Variants in DDX10 observed in about 807,000 individuals in gnomAD.
DDX10 encodes the protein probable ATP-dependent RNA helicase DDX10.
In DDX10, 74 loss-of-function variants were observed where a neutral mutation model predicts 104.3. The observed-to-expected ratio is 0.71, with a 90% CI of 0.59 to 0.86. The LOEUF is 0.86. Ranked by LOEUF, DDX10 falls within the 40% of genes least tolerant of loss-of-function variation. The pLI is 0.00. For missense variants in DDX10, 952 were observed against 1,040.0 expected, an observed-to-expected ratio of 0.92 and a Z score of 1.16; for synonymous variants, 351 against 353.4, an observed-to-expected ratio of 0.99 and a Z score of 0.08.
chr11:108,684,343 C>T (rs1443594567), intron 6 of DDX10, among the ~76,000 whole-genome samples: 2 of 106,384 alleles, frequency 1.9e-5, no homozygotes, highest in African/African-American at 3.5e-5. Flanking sequence ...AATGCTATCC[C>T]TCCCCCCTCC....
intron 16 of DDX10, among the ~76,000 whole-genome samples, chr11:108,857,067 G>GAAT (rs752474566): frequency 3.9e-5 from 6 of 152,322 alleles, no homozygotes; most frequent in Non-Finnish European, 8.8e-5. Context: ...GAAAGCAAGT[G>GAAT]AATGACTTGC....
chr11:108,702,516 A>G (rs776939465), intron 9 of DDX10, among the ~76,000 whole-genome samples: 6 of 152,224 alleles, frequency 3.9e-5, no homozygotes, highest in Non-Finnish European at 5.9e-5. Context: ...AGACCCAACT[A>G]GAATGGAGTT....
At chr11:108,925,237 G>A (rs1217251952) in intron 17 of DDX10, among the ~76,000 whole-genome samples, 3 of 152,232 alleles carry the variant, frequency 2.0e-5, no homozygotes, top group Non-Finnish European at 4.4e-5. Context: ...TTTCTGGGGT[G>A]AGGACTGGGT....
chr11:108,918,084 A>G lies in DDX10; in HGVS notation c.2450+66A>G, dbSNP rs566078019. On this transcript the variant is annotated intron_variant, in intron 17 of 17. Coordinates refer to ENST00000322536, the MANE Select transcript of DDX10 (RefSeq NM_004398.4). The stretch of plus-strand genomic sequence containing the variant: ...CTCACATCAGTCTTTTAATGAATCC[A>G]AAAGACATTACTAAGAGTTCTACTC... The G allele has an allele frequency of 3.6e-5, 53 of 1,487,336 alleles. No homozygotes were observed. The South Asian group carries it at 5.5e-4, about 15-fold the overall frequency. The allele number at this position is 1,487,336 out of a possible 1,614,324, so 92.1% of individuals were successfully genotyped here. A position where few individuals can be genotyped will look rare whatever the true frequency, so the allele number is the denominator to read the frequency against.
chr11:108,937,261 T>C (rs913598020), intron 17 of DDX10, among the ~76,000 whole-genome samples: 9 of 152,214 alleles, frequency 5.9e-5, no homozygotes, highest in Non-Finnish European at 1.3e-4. Context: ...CTTCAGGTTT[T>C]CCTCTGGCTC....
At chr11:108,885,428 G>C (rs1479293025) in intron 16 of DDX10, among the ~76,000 whole-genome samples, 2 of 149,328 alleles carry the variant, frequency 1.3e-5, no homozygotes, top group African/African-American at 5.0e-5. Flanking sequence ...CGTGATCTCA[G>C]CTCACTGCAA....
chr11:108,854,819 A>T (rs185344026), intron 16 of DDX10, among the ~76,000 whole-genome samples: 59 of 152,288 alleles, frequency 3.9e-4, no homozygotes, highest in Admixed American at 1.1e-3. Context: ...TGATAATGTG[A>T]ATTTTCAATT....
intron 16 of DDX10, among the ~76,000 whole-genome samples, chr11:108,911,345 G>C (rs1863674851): frequency 1.3e-5 from 2 of 152,130 alleles, no homozygotes; most frequent in South Asian, 4.1e-4. Flanking sequence ...TGCAGTTCTA[G>C]AAGGTGGGAA....
intron 13 of DDX10, among the ~76,000 whole-genome samples, chr11:108,739,009 G>T (rs2094321711): frequency 6.6e-6 from 1 of 152,108 alleles, no homozygotes; most frequent in Admixed American, 6.5e-5. Context: ...AGCAAACCTG[G>T]ACAACTTTCG....
intron 2 of DDX10, 59 bp from the exon 3 acceptor site, chr11:108,675,537 C>A: frequency 6.4e-7 from 1 of 1,568,820 alleles, no homozygotes; most frequent in African/African-American, 1.4e-5. Context: ...ACTCACTTAG[C>A]CTATAATACC....
At chr11:108,775,788 C>T (rs2094369075) in intron 13 of DDX10, among the ~76,000 whole-genome samples, 1 of 151,996 alleles carries the variant, frequency 6.6e-6, no homozygotes, top group African/African-American at 2.4e-5. Context: ...GCAATATAGC[C>T]ACATATTTTA....
chr11:108,821,033 G>A (rs920226309), intron 13 of DDX10, among the ~76,000 whole-genome samples: 1 of 152,158 alleles, frequency 6.6e-6, no homozygotes, highest in Non-Finnish European at 1.5e-5. Flanking sequence ...TTGTTTAAGC[G>A]TGATGTATGT....
At chr11:108,718,804 T>G (rs866020551) in intron 11 of DDX10, among the ~76,000 whole-genome samples, 2 of 152,226 alleles carry the variant, frequency 1.3e-5, no homozygotes, top group Admixed American at 1.3e-4. Context: ...GATAAGCAAC[T>G]GAGGTGATTG....
chr11:108,806,446 T>C (rs1289526839), intron 13 of DDX10, among the ~76,000 whole-genome samples: 1 of 152,208 alleles, frequency 6.6e-6, no homozygotes, highest in African/African-American at 2.4e-5. Flanking sequence ...GTTCAGGTAG[T>C]GAACGACATT....
chr11:108,911,175 C>A (rs1863672664), intron 16 of DDX10, among the ~76,000 whole-genome samples: 1 of 152,284 alleles, frequency 6.6e-6, no homozygotes, highest in South Asian at 2.1e-4. Context: ...TGATTTTGTT[C>A]ACTGCAGCAT....
Position 108,733,165 on chromosome 11 carries a change from T to C in DDX10, c.1965+9703T>C, listed in dbSNP as rs577545866. 7.2e-5 allele frequency among the ~76,000 whole-genome samples: 11 copies of C among 152,120 alleles called. No individual in the cohort carries two copies. The South Asian group carries it at 2.3e-3, about 32-fold the overall frequency. ...TTTTTAGTACTGTAAGAACTCACTG[T>C]TGGTGTTAAAACACAGATTAGCTAA... On this transcript the variant is annotated intron_variant, in intron 13 of 17. Coordinates refer to ENST00000322536, the MANE Select transcript of DDX10 (RefSeq NM_004398.4).
At chr11:108,806,564 A>G (rs1862103913) in intron 13 of DDX10, among the ~76,000 whole-genome samples, 1 of 152,204 alleles carries the variant, frequency 6.6e-6, no homozygotes, top group Non-Finnish European at 1.5e-5. Context: ...ATAGTAAACA[A>G]GTAAGTAAAT....
chr11:108,799,694 A>G (rs890365592), intron 13 of DDX10, among the ~76,000 whole-genome samples: 2 of 152,132 alleles, frequency 1.3e-5, no homozygotes, highest in Admixed American at 1.3e-4. Flanking sequence ...CGCAGATTTC[A>G]TCCTCCTCTG....
chr11:108,794,950 C>A (rs1043945648), intron 13 of DDX10, among the ~76,000 whole-genome samples: 2 of 152,038 alleles, frequency 1.3e-5, no homozygotes, highest in Non-Finnish European at 2.9e-5. Flanking sequence ...GCCTTAGCCT[C>A]CCCAATAGCT....
Sources: gnomAD v4.1 joint callset for allele counts (sites outside exome capture counted in the v4.1 genomes callset) on GRCh38, gnomAD v4.1.1 for gene constraint, MANE v1.5 for transcripts, NCBI Gene and HGNC (gene_info 2026-07-23, HGNC 2026-07-21) for gene names.